The following ATRX variants were observed in gnomAD, a reference collection of about 807,000 sequenced individuals.
The protein encoded by ATRX is ATRX chromatin remodeler.
In ATRX, 12 loss-of-function variants were observed where a neutral mutation model predicts 172.6. That is an observed-to-expected ratio of 0.07 (90% CI 0.04 to 0.11). ATRX has a LOEUF of 0.11. ATRX is among the 10% of genes least tolerant of loss of function. The pLI, the probability that ATRX is intolerant of heterozygous loss-of-function variation, is 1.00. For synonymous variants in ATRX, 674 were observed against 594.7 expected (o/e 1.13, Z -1.94); for missense variants, 1,368 against 1,767.4 (o/e 0.77, Z 4.05).
At chrX:77,617,500 A>T (rs1406622277) in intron 21 of ATRX, among the ~76,000 whole-genome samples, 2 of 111,298 alleles carry the variant, frequency 1.8e-5, no homozygotes, top group African/African-American at 6.5e-5. Flanking sequence ...AAAATCCATG[A>T]AAGTTCAAGT....
chrX:77,737,434 A>AGG (rs1569544109), intron 1 of ATRX, among the ~76,000 whole-genome samples: 3 of 49,785 alleles, frequency 6.0e-5, no homozygotes, highest in African/African-American at 2.7e-4. Context: ...AAAAAAAAAA[A>AGG]AGGGGGGGGG....
chrX:77,579,564 G>A (rs1489649747), intron 27 of ATRX, among the ~76,000 whole-genome samples: 1 of 111,724 alleles, frequency 9.0e-6, no homozygotes, highest in Non-Finnish European at 1.9e-5. Context: ...ACCTCTACAA[G>A]GCTGCAAGAA....
intron 12 of ATRX, among the ~76,000 whole-genome samples, chrX:77,660,651 T>A (rs1557122154): frequency 9.1e-6 from 1 of 110,257 alleles, no homozygotes. Context: ...CACAAAATGA[T>A]GTACTATTAT....
intron 22 of ATRX, among the ~76,000 whole-genome samples, chrX:77,608,214 G>A (rs1240177587): frequency 2.8e-5 from 3 of 108,768 alleles, no homozygotes; most frequent in South Asian, 4.1e-4. Context: ...CTAAAAATAC[G>A]AAAAATTAGT....
At chrX:77,521,705 G>A (rs1400186079) in intron 32 of ATRX, 4 of 337,908 alleles carry the variant, frequency 1.2e-5, no homozygotes, top group African/African-American at 2.6e-5. Context: ...AAAAGTTTGA[G>A]TTTTATCACA....
intron 33 of ATRX, 89 bp downstream of exon 33, chrX:77,521,314 A>G (rs1168236528): frequency 8.5e-6 from 6 of 705,381 alleles, no homozygotes; most frequent in Non-Finnish European, 1.3e-5. Flanking sequence ...AATTTATAAG[A>G]AGGAACAATT....
In ATRX at chrX:77,683,641, G is replaced by C. The variant is rs782329833; in HGVS notation, c.1615C>G (p.Gln539Glu). 41 of 1,209,689 alleles carry C rather than the reference G, an allele frequency of 3.4e-5. No homozygotes were observed. The highest frequency in any genetic ancestry group is 4.5e-5 in the Non-Finnish European group (40 of 894,912). ...FENLETAMEV[Q>E]SSVDHQGDGS... ...TCCCCTTGATGATCAACTGAACTCT[G>C]AACTTCCATAGCAGTCTCAAGATTC... The change falls in exon 9 of 35, where the codon CAG becomes GAG. Residue 539 changes from glutamine to glutamate, a missense_variant. This residue lies in a region of ATRX where 843 missense variants were observed against 643.1 expected (regional missense o/e 1.31). Coordinates refer to ENST00000373344, the MANE Select transcript of ATRX (RefSeq NM_000489.6).
chrX:77,710,127 C>T lies in ATRX; in HGVS notation c.133+7004G>A, dbSNP rs148849973. Among the ~76,000 whole-genome samples the T allele has an allele frequency of 4.3e-3, 472 of 109,419 alleles. 2 individuals are homozygous for T. Among genetic ancestry groups the T allele is most frequent in the African/African-American group, 0.015 (444 of 29,921 alleles). On this transcript the variant is annotated intron_variant, in intron 2 of 34. Transcript: ENST00000373344. ...CAGCCTGGCCAACATGGTGAAACCTCGTCTCTACTATAAATACAAAAATTA... is the reference window on the plus strand; with the variant it reads ...CAGCCTGGCCAACATGGTGAAACCTTGTCTCTACTATAAATACAAAAATTA...
rs782012824 is a variant in ATRX, at chrX:77,651,743, C to T, written c.4557+371G>A. Among the ~76,000 whole-genome samples the T allele has an allele frequency of 1.1e-4, 12 of 110,901 alleles. No individual in the cohort carries two copies. The East Asian group carries it at 3.4e-3, about 31-fold the overall frequency. ...GTGTGGTAGTGCATGCCTGTAGTCC[C>T]GGCCACTTGGGAGGCTGAGGCACAA... On this transcript the variant is annotated intron_variant, in intron 15 of 34. Transcript: ENST00000373344.
At chrX:77,766,481 A>G (rs1557195900) in intron 1 of ATRX, among the ~76,000 whole-genome samples, 1 of 106,859 alleles carries the variant, frequency 9.4e-6, no homozygotes. Context: ...GTTGCCACGC[A>G]GAGGGTCTCC....
rs1557198169 is a variant in ATRX, at chrX:77,769,953, C to T, written c.20+16029G>A. 2.7e-5 allele frequency among the ~76,000 whole-genome samples: 3 copies of T among 109,700 alleles called. No individual in the cohort carries two copies. In the Admixed American group the frequency reaches 2.9e-4, roughly 11 times the overall value. On this transcript the variant is annotated intron_variant, in intron 1 of 34. Coordinates refer to ENST00000373344, the MANE Select transcript of ATRX (RefSeq NM_000489.6). ...TCTACCAAAAAATACAAAAAGCAGC[C>T]GGGTGTGGTGGAACACGCTACTGAG...
chrX:77,712,301 G>A (rs1557161763), intron 2 of ATRX, among the ~76,000 whole-genome samples: 1 of 112,068 alleles, frequency 8.9e-6, no homozygotes, highest in African/African-American at 3.2e-5. Context: ...ATGCTGCCCA[G>A]AATTTACAAT....
At chrX:77,538,201 A>C (rs1557049138) in intron 30 of ATRX, among the ~76,000 whole-genome samples, 1 of 105,169 alleles carries the variant, frequency 9.5e-6, no homozygotes, top group Non-Finnish European at 1.9e-5. Context: ...GCTGAAGGAT[A>C]AAAAAGGAAA....
intron 1 of ATRX, among the ~76,000 whole-genome samples, chrX:77,742,142 A>C (rs2074901051): frequency 8.9e-6 from 1 of 112,031 alleles, no homozygotes; most frequent in African/African-American, 3.2e-5. Flanking sequence ...AAAAATAATT[A>C]AAGTGATAAA....
intron 30 of ATRX, among the ~76,000 whole-genome samples, chrX:77,544,275 A>T (rs904677124): frequency 1.8e-5 from 2 of 111,216 alleles, no homozygotes; most frequent in Admixed American, 9.6e-5. Flanking sequence ...TTAATTAACA[A>T]TTTTTTTCAT....
intron 14 of ATRX, 103 bp from the exon 15 acceptor site, chrX:77,652,456 G>A (rs1425675565): frequency 4.5e-6 from 4 of 880,104 alleles, no homozygotes; most frequent in Non-Finnish European, 6.2e-6. Context: ...AAGAAAACAT[G>A]CTGAAAACCT....
intron 11 of ATRX, among the ~76,000 whole-genome samples, chrX:77,664,101 CAA>C (rs782623295): frequency 9.4e-5 from 6 of 64,141 alleles, no homozygotes; most frequent in Non-Finnish European, 3.1e-5. Flanking sequence ...AACTCTGTCT[CAA>C]AAAAAAAAAA....
At chrX:77,644,026 G>A (rs2068787232) in intron 15 of ATRX, among the ~76,000 whole-genome samples, 1 of 111,475 alleles carries the variant, frequency 9.0e-6, no homozygotes, top group Non-Finnish European at 1.9e-5. Context: ...TGCAACCTCT[G>A]CCTCCCGGGT....
At chrX:77,765,504 G>C (rs1194249709) in intron 1 of ATRX, among the ~76,000 whole-genome samples, 1 of 110,837 alleles carries the variant, frequency 9.0e-6, no homozygotes, top group African/African-American at 3.3e-5. Context: ...CTTTCTTACA[G>C]AAGTGTTATA....
Sources: allele counts gnomAD v4.1 joint callset (sites outside exome capture counted in the v4.1 genomes callset), GRCh38; gene constraint gnomAD v4.1.1; regional missense constraint gnomAD v4.1.1; transcripts MANE v1.5; gene names NCBI Gene and HGNC (gene_info 2026-07-23, HGNC 2026-07-21).